Variants in MGAT4C observed in about 807,000 individuals in gnomAD.
MGAT4C encodes alpha-1,3-mannosyl-glycoprotein 4-beta-N-acetylglucosaminyltransferase C.
A neutral mutation model predicts 40.1 loss-of-function variants in MGAT4C; 19 were observed. The ratio of observed to expected loss-of-function variants is 0.47; its 90% CI spans 0.33 to 0.70. The LOEUF is 0.70. Ranked by LOEUF, MGAT4C falls within the 30% of genes least tolerant of loss-of-function variation. The pLI is 0.02. For synonymous variants in MGAT4C, 181 were observed against 187.1 expected, an observed-to-expected ratio of 0.97 and a Z score of 0.27; for missense variants, 491 against 563.2, an observed-to-expected ratio of 0.87 and a Z score of 1.30.
intron 2 of MGAT4C, among the ~76,000 whole-genome samples, chr12:86,515,805 C>T (rs192240015): frequency 1.3e-5 from 2 of 149,294 alleles, no homozygotes; most frequent in Admixed American, 1.3e-4. Context: ...TGCAGTGGCG[C>T]GATCTCAGCT....
At chr12:86,162,412 A>G (rs947383382) in intron 1 of MGAT4C, among the ~76,000 whole-genome samples, 2 of 152,180 alleles carry the variant, frequency 1.3e-5, no homozygotes, top group Non-Finnish European at 2.9e-5. Context: ...CAAATACCAC[A>G]TATCCTTACT....
At position 86,607,231 on chromosome 12, in the gene MGAT4C, G is replaced by A. The variant is rs1962074084; in HGVS notation, c.-229+119978C>T. On this transcript the variant is annotated intron_variant, in intron 2 of 7. Coordinates refer to the MGAT4C transcript ENST00000548651. ...ACTCATAATGTATATATTGATTTTT[G>A]AAAAATGGAAGAAACTAATATTTTA... is the stretch of plus-strand genomic sequence containing the variant. Among the ~76,000 whole-genome samples, 4 of 151,836 alleles carry A rather than the reference G, an allele frequency of 2.6e-5. No homozygotes were observed. In the South Asian group the frequency reaches 8.3e-4, roughly 32 times the overall value.
At chr12:86,439,684 G>T (rs1243273124) in intron 2 of MGAT4C, among the ~76,000 whole-genome samples, 2 of 151,870 alleles carry the variant, frequency 1.3e-5, no homozygotes, top group African/African-American at 4.8e-5. Flanking sequence ...GGTAAATGAA[G>T]CAAAAAGTTT....
intron 4 of MGAT4C, among the ~76,000 whole-genome samples, chr12:86,317,772 G>T (rs894761732): frequency 6.6e-6 from 1 of 151,650 alleles, no homozygotes; most frequent in African/African-American, 2.4e-5. Context: ...GAATTAATAA[G>T]ATATTTCAGG....
At chr12:86,482,365 T>A (rs1323958319) in intron 2 of MGAT4C, among the ~76,000 whole-genome samples, 1 of 152,102 alleles carries the variant, frequency 6.6e-6, no homozygotes, top group East Asian at 1.9e-4. Flanking sequence ...CAATTCTGTC[T>A]TCAATTCTCA....
intron 1 of MGAT4C, among the ~76,000 whole-genome samples, chr12:86,127,842 G>A (rs1056007676): frequency 6.6e-6 from 1 of 152,088 alleles, no homozygotes; most frequent in African/African-American, 2.4e-5. Context: ...TAACACAAGT[G>A]GAGCGGTCAT....
chr12:86,050,405 T>G (rs903944415), intron 1 of MGAT4C, among the ~76,000 whole-genome samples: 5 of 152,084 alleles, frequency 3.3e-5, no homozygotes, highest in African/African-American at 9.7e-5. Context: ...GTGTATTTTC[T>G]TTAAGCAAAG....
intron 1 of MGAT4C, among the ~76,000 whole-genome samples, chr12:86,128,668 A>G (rs1337863235): frequency 2.6e-5 from 4 of 152,250 alleles, no homozygotes; most frequent in African/African-American, 4.8e-5. Flanking sequence ...AGGAAAATGC[A>G]GCTCAATAAG....
At chr12:86,441,227 T>A (rs755082692) in intron 2 of MGAT4C, among the ~76,000 whole-genome samples, 2 of 151,978 alleles carry the variant, frequency 1.3e-5, no homozygotes, top group South Asian at 4.1e-4. Context: ...ACTACAAGGA[T>A]ATAGTAACCA....
chr12:86,193,939 T>C lies in MGAT4C; in HGVS notation c.-57+62300A>G, dbSNP rs142859665. Among the ~76,000 whole-genome samples, 822 of 152,282 alleles carry C rather than the reference T, an allele frequency of 5.4e-3. 8 individuals carry two copies. The highest frequency in any genetic ancestry group is 0.019 in the African/African-American group (787 of 41,572). Reference sequence around the variant, plus strand: ...TAACGCTTTTGTTTCCTTCTTCTCTTACCTCACATCATATCATCTTACCTA... The same window carrying C: ...TAACGCTTTTGTTTCCTTCTTCTCTCACCTCACATCATATCATCTTACCTA... On this transcript the variant is annotated intron_variant, in intron 1 of 4. Transcript: ENST00000611864.
chr12:86,229,050 A>G (rs1210494872), intron 1 of MGAT4C, among the ~76,000 whole-genome samples: 5 of 151,922 alleles, frequency 3.3e-5, no homozygotes, highest in African/African-American at 9.7e-5. Flanking sequence ...TTCAGATACT[A>G]TAACTATTAT....
At chr12:86,089,564 CTGTT>C (rs1473437436) in intron 1 of MGAT4C, among the ~76,000 whole-genome samples, 1 of 151,772 alleles carries the variant, frequency 6.6e-6, no homozygotes, top group East Asian at 1.9e-4. Flanking sequence ...AGCAATTTCT[CTGTT>C]TATTTCTAAA....
At chr12:86,255,813 T>G (rs1952492837) in intron 1 of MGAT4C, among the ~76,000 whole-genome samples, 1 of 152,162 alleles carries the variant, frequency 6.6e-6, no homozygotes. Flanking sequence ...AACTGCCATT[T>G]AACAATTAGA....
intron 2 of MGAT4C, among the ~76,000 whole-genome samples, chr12:86,501,866 G>C (rs1958349660): frequency 6.6e-6 from 1 of 152,042 alleles, no homozygotes; most frequent in Admixed American, 6.6e-5. Flanking sequence ...CCCAGTAATT[G>C]CTGGGTCAAA....
rs569204614 is a variant in MGAT4C, at chr12:86,256,367, A to C, written c.-185T>G. The C allele has an allele frequency of 6.6e-6, 1 of 152,324 alleles. No individual in the cohort carries two copies. The highest frequency in any genetic ancestry group is 2.1e-4 in the South Asian group (1 of 4,828). 9.4% of individuals were successfully genotyped at this position (152,324 alleles called of 1,614,324 possible). On this transcript the variant is annotated 5_prime_UTR_variant, in exon 1 of 5. It removes an upstream start codon present in the reference 5' UTR. Transcript: ENST00000611864. ...TCTCAATGAAGAGATGTAAACATCC[A>C]TCATAATGGCACTGTGCTGAAACTG...
At chr12:86,507,968 A>T (rs1487759843) in intron 2 of MGAT4C, among the ~76,000 whole-genome samples, 1 of 152,086 alleles carries the variant, frequency 6.6e-6, no homozygotes, top group Admixed American at 6.6e-5. Context: ...TGTGATAGAG[A>T]TTACAATGGA....
At chr12:86,810,115 T>C (rs1437842826) in intron 1 of MGAT4C, among the ~76,000 whole-genome samples, 1 of 152,034 alleles carries the variant, frequency 6.6e-6, no homozygotes, top group Admixed American at 6.6e-5. Context: ...TGCAAATTAT[T>C]TGGAGTAATT....
chr12:86,425,092 G>T (rs1482692609), intron 3 of MGAT4C, among the ~76,000 whole-genome samples: 1 of 151,976 alleles, frequency 6.6e-6, no homozygotes, highest in Non-Finnish European at 1.5e-5. Flanking sequence ...GTGAGATAAA[G>T]TACCTTATTC....
chr12:86,676,167 C>T (rs914641257), intron 2 of MGAT4C, among the ~76,000 whole-genome samples: 1 of 151,954 alleles, frequency 6.6e-6, no homozygotes, highest in Non-Finnish European at 1.5e-5. Context: ...GAGTTTTGTC[C>T]TGAAAACTCC....
Sources: gnomAD v4.1 joint callset for allele counts (sites outside exome capture counted in the v4.1 genomes callset) on GRCh38, gnomAD v4.1.1 for gene constraint, MANE v1.5 for transcripts, NCBI Gene and HGNC (gene_info 2026-07-23, HGNC 2026-07-21) for gene names.